CLCNKB: variants seen among roughly 807,000 people sequenced by gnomAD.
The protein encoded by CLCNKB is chloride voltage-gated channel Kb.
A neutral mutation model predicts 83.8 loss-of-function variants in CLCNKB; 74 were observed. The observed-to-expected ratio is 0.88, with a 90% CI of 0.73 to 1.07. CLCNKB has a LOEUF of 1.07. Among genes scored for constraint, CLCNKB ranks in the 50% least tolerant of loss-of-function variants. The pLI, the probability that CLCNKB is intolerant of heterozygous loss-of-function variation, is 0.00. For missense variants in CLCNKB, 798 were observed against 893.6 expected (o/e 0.89, Z 1.36); for synonymous variants, 358 against 356.6 (o/e 1.00, Z -0.04).
At position 16,052,463 on chromosome 1, in the gene CLCNKB, G is replaced by T. The variant is rs537541921; in HGVS notation, c.1622+52G>T. The stretch of plus-strand genomic sequence containing the variant: ...TGAAGGGGGTCACAGTGTTTGGGAA[G>T]GGCTGGGGTGAAGGGCACCTCGAAA... On this transcript the variant is annotated intron_variant, in intron 15 of 19. Transcript: ENST00000375679. 571 of 1,611,334 alleles carry T rather than the reference G, an allele frequency of 3.5e-4. 3 individuals carry two copies. The African/African-American group carries it at 5.3e-3, about 15-fold the overall frequency.
At chr1:16,045,777 G>T in intron 3 of CLCNKB, 91 bp downstream of exon 3, 18 of 987,530 alleles carry the variant, frequency 1.8e-5, no homozygotes, top group Non-Finnish European at 2.2e-5. Flanking sequence ...TGCAGCGGAG[G>T]TTGGGGGGGG....
chr1:16,050,196 C>T (rs2023243723), intron 10 of CLCNKB, among the ~76,000 whole-genome samples: 2 of 151,014 alleles, frequency 1.3e-5, no homozygotes, highest in Non-Finnish European at 3.0e-5. Context: ...CCTGTTGGTC[C>T]CTCTCTCCCT....
rs1456698144 is a variant in CLCNKB at position 16,056,518 on chromosome 1, T to TC, written c.2016+13dup. 7.0e-7 allele frequency: 1 copy of TC among 1,434,054 alleles called. No homozygotes were observed. Among genetic ancestry groups the TC allele is most frequent in the African/African-American group, 1.6e-5 (1 of 64,292 alleles). 88.8% of individuals were successfully genotyped at this position (1,434,054 alleles called of 1,614,324 possible). On this transcript the variant is annotated intron_variant, in intron 19 of 19. Transcript: ENST00000375679. ...CGTGTCCTGGGTGGAGGTACCAGGG[T>TC]CCCGGGGGCAGAGCAAAGCAGGGAA...
chr1:16,049,871 GC>G lies in CLCNKB; in HGVS notation c.924del (p.Phe309SerfsTer40). On this transcript the variant is annotated frameshift_variant, in exon 10 of 20. Coordinates refer to ENST00000375679, the MANE Select transcript of CLCNKB (RefSeq NM_000085.5). LOFTEE classifies it high-confidence loss of function. ...AYLFCQRIFFGFIRNNRFSSK... is the reference protein window; with the variant it reads ...AYLFCQRIFFXFIRNNRFSSK... The stretch of plus-strand genomic sequence containing the variant: ...CTCTTCTGTCAGCGAATCTTCTTTG[GC>G]TTCATCAGGAACAATAGGTTCAGCT... 6.2e-7 allele frequency: 1 copy of G among 1,613,872 alleles called. No individual in the cohort carries two copies. Among genetic ancestry groups the G allele is most frequent in the Non-Finnish European group, 8.5e-7 (1 of 1,179,930 alleles).
chr1:16,055,791 A>C, intron 18 of CLCNKB, 33 bp downstream of exon 18: 1 of 1,597,824 alleles, frequency 6.3e-7, no homozygotes, highest in Non-Finnish European at 8.6e-7. Context: ...GTGACACATG[A>C]GGCCTCTGGG....
At chr1:16,046,685 C>T (rs1390497243) in intron 4 of CLCNKB, 22 bp downstream of exon 4, 1 of 1,591,500 alleles carries the variant, frequency 6.3e-7, no homozygotes, top group Non-Finnish European at 8.5e-7. Flanking sequence ...GTCGCTACGC[C>T]AGTCCCCACT....
At chr1:16,053,520 C>G (rs2023355120) in intron 15 of CLCNKB, 119 bp from the exon 16 acceptor site, 1 of 1,456,936 alleles carries the variant, frequency 6.9e-7, no homozygotes, top group East Asian at 2.4e-5. Flanking sequence ...CTCTCCGGCC[C>G]TGCCCACACT....
intron 3 of CLCNKB, 117 bp from the exon 4 acceptor site, chr1:16,046,418 G>A: frequency 7.1e-7 from 1 of 1,416,064 alleles, no homozygotes; most frequent in Non-Finnish European, 9.7e-7. Flanking sequence ...CTCACTGTGT[G>A]GCCTGGTCCT....
intron 2 of CLCNKB, 31 bp from the exon 3 acceptor site, chr1:16,045,527 C>T: frequency 6.2e-7 from 1 of 1,610,982 alleles, no homozygotes; most frequent in Non-Finnish European, 8.5e-7. Flanking sequence ...TCCTGCCCCA[C>T]CCTGTGCCGT....
At chr1:16,051,350 T>C (rs1469241284) in intron 12 of CLCNKB, 128 bp from the exon 13 acceptor site, 2 of 1,247,014 alleles carry the variant, frequency 1.6e-6, no homozygotes, top group Non-Finnish European at 2.4e-6. Flanking sequence ...TGCCAGACTC[T>C]GGCAGTGGGT....
intron 4 of CLCNKB, among the ~76,000 whole-genome samples, chr1:16,047,679 G>A (rs1054546527): frequency 6.6e-6 from 1 of 152,086 alleles, no homozygotes; most frequent in African/African-American, 2.4e-5. Flanking sequence ...TGACGCAGGA[G>A]GATAACTTGA....
intron 15 of CLCNKB, 54 bp downstream of exon 15, chr1:16,052,465 G>C: frequency 1.2e-6 from 2 of 1,611,064 alleles, no homozygotes; most frequent in Non-Finnish European, 1.7e-6. Flanking sequence ...TTTGGGAAGG[G>C]CTGGGGTGAA....
intron 8 of CLCNKB, 92 bp downstream of exon 8, chr1:16,049,337 CT>C: frequency 6.4e-7 from 1 of 1,561,660 alleles, no homozygotes; most frequent in Non-Finnish European, 8.6e-7. Flanking sequence ...CTTGCTCTTC[CT>C]TTCCCTCTCT....
In CLCNKB at chr1:16,044,595, G is replaced by C. The variant is rs776279574; in HGVS notation, c.100+3G>C. 3.1e-6 allele frequency: 5 copies of C among 1,593,858 alleles called. No homozygotes were observed. The Admixed American group carries it at 8.9e-5, about 28-fold the overall frequency. ...CCGCATCCGCCGAGGCATCCGAGGT[G>C]AGAGCCAGGTCCTCTTCCCTTCCCC... On this transcript the variant is annotated splice_donor_region_variant and intron_variant, in intron 2 of 19. Coordinates refer to ENST00000375679, the MANE Select transcript of CLCNKB (RefSeq NM_000085.5).
chr1:16,045,529 C>A, intron 2 of CLCNKB, 29 bp from the exon 3 acceptor site: 2 of 1,611,362 alleles, frequency 1.2e-6, no homozygotes, highest in Non-Finnish European at 1.7e-6. Context: ...CTGCCCCACC[C>A]TGTGCCGTGA....
At chr1:16,056,048 G>C (rs1391092076) in intron 18 of CLCNKB, among the ~76,000 whole-genome samples, 2 of 152,218 alleles carry the variant, frequency 1.3e-5, no homozygotes, top group Admixed American at 6.5e-5. Context: ...CAAGGCACAC[G>C]TGCGCTTCAA....
At chr1:16,053,810 G>C (rs777986253) in intron 16 of CLCNKB, 38 bp downstream of exon 16, 1 of 1,612,718 alleles carries the variant, frequency 6.2e-7, no homozygotes, top group South Asian at 1.1e-5. Context: ...CGGGGGTAGG[G>C]GATGCCCTCT....
chr1:16,055,329 C>T, intron 16 of CLCNKB, 106 bp from the exon 17 acceptor site: 5 of 894,684 alleles, frequency 5.6e-6, no homozygotes, highest in South Asian at 1.4e-5. Flanking sequence ...GTCACAATAG[C>T]CCCATAGGAA....
Position 16,046,660 on chromosome 1 carries a change from G to A in CLCNKB, c.355G>A (p.Gly119Arg). 6.2e-7 allele frequency: 1 copy of A among 1,613,824 alleles called. No individual in the cohort carries two copies. The highest frequency in any genetic ancestry group is 8.5e-7 in the Non-Finnish European group (1 of 1,179,918). The part of the protein sequence containing the change: ...GFSQSITPSS[G>R]GSGIPEVKTM... Reference sequence around the variant, plus strand: ...CTCTCAGAGCATCACACCCTCCTCTGGAGGTGAGTCCACAGTCGCTACGCC... The same window carrying A: ...CTCTCAGAGCATCACACCCTCCTCTAGAGGTGAGTCCACAGTCGCTACGCC... The change falls in exon 4 of 20, where the codon GGA becomes AGA. Residue 119 changes from glycine (G) to arginine (R), a missense_variant. Coordinates refer to ENST00000375679, the MANE Select transcript of CLCNKB (RefSeq NM_000085.5).
Sources: gnomAD v4.1 joint callset for allele counts (sites outside exome capture counted in the v4.1 genomes callset) on GRCh38, gnomAD v4.1.1 for gene constraint, MANE v1.5 for transcripts, NCBI Gene and HGNC (gene_info 2026-07-23, HGNC 2026-07-21) for gene names.